The following BACE2 variants were observed in gnomAD, a reference collection of about 807,000 sequenced individuals.
The protein encoded by BACE2 is 56 kDa aspartic-like protease.
BACE2 carries 17 observed loss-of-function variants against 46.2 expected under a neutral mutation model. The ratio of observed to expected loss-of-function variants is 0.37; its 90% CI spans 0.25 to 0.55. BACE2 has a LOEUF of 0.55. Ranked by LOEUF, BACE2 falls within the 20% of genes least tolerant of loss-of-function variation. The pLI is 0.82. For missense variants in BACE2, 595 were observed against 698.1 expected, an observed-to-expected ratio of 0.85 and a Z score of 1.66; for synonymous variants, 277 against 295.9, an observed-to-expected ratio of 0.94 and a Z score of 0.66.
intron 1 of BACE2, among the ~76,000 whole-genome samples, chr21:41,196,323 A>G (rs2123520801): frequency 6.6e-6 from 1 of 152,024 alleles, no homozygotes; most frequent in South Asian, 2.1e-4. Flanking sequence ...ACCAAAAAAA[A>G]AAAAAGAGAG....
intron 2 of BACE2, among the ~76,000 whole-genome samples, chr21:41,226,684 T>C (rs368690116): frequency 6.6e-6 from 1 of 152,222 alleles, no homozygotes; most frequent in Non-Finnish European, 1.5e-5. Flanking sequence ...GCTTTAGTTC[T>C]GCAGTGGAGG....
intron 7 of BACE2, among the ~76,000 whole-genome samples, chr21:41,254,989 C>T (rs1203862498): frequency 6.6e-6 from 1 of 152,254 alleles, no homozygotes; most frequent in African/African-American, 2.4e-5. Flanking sequence ...CTGAGTTGGG[C>T]GAGGGAGTGA....
intron 8 of BACE2, among the ~76,000 whole-genome samples, chr21:41,258,510 G>A (rs1371973143): frequency 6.6e-6 from 1 of 152,210 alleles, no homozygotes; most frequent in Non-Finnish European, 1.5e-5. Flanking sequence ...TTCCAGGAGG[G>A]AGAGATTTCA....
At chr21:41,251,278 G>T (rs1398825705) in intron 7 of BACE2, among the ~76,000 whole-genome samples, 1 of 152,184 alleles carries the variant, frequency 6.6e-6, no homozygotes, top group Non-Finnish European at 1.5e-5. Context: ...CCACACAGGG[G>T]CTCCTGAAGT....
intron 1 of BACE2, chr21:41,184,304 G>A (rs896829949): frequency 4.2e-5 from 7 of 166,982 alleles, no homozygotes; most frequent in African/African-American, 1.7e-4. Flanking sequence ...TGTCATAATT[G>A]ACTGGCTTAA....
intron 6 of BACE2, among the ~76,000 whole-genome samples, chr21:41,246,523 T>G (rs906696245): frequency 6.6e-6 from 1 of 152,222 alleles, no homozygotes; most frequent in Non-Finnish European, 1.5e-5. Flanking sequence ...AAAATTTTAC[T>G]CCTTTTTGGC....
At chr21:41,204,398 G>A (rs986788778) in intron 1 of BACE2, among the ~76,000 whole-genome samples, 6 of 152,084 alleles carry the variant, frequency 3.9e-5, no homozygotes, top group East Asian at 1.9e-4. Flanking sequence ...TATAATAAGC[G>A]GGAGTGATCC....
chr21:41,258,725 C>G (rs1987853614), intron 8 of BACE2, among the ~76,000 whole-genome samples: 1 of 152,186 alleles, frequency 6.6e-6, no homozygotes, highest in South Asian at 2.1e-4. Flanking sequence ...AATCATCCAA[C>G]CCAGTGTATG....
chr21:41,181,425 T>A (rs754771195), intron 1 of BACE2: 2 of 167,100 alleles, frequency 1.2e-5, no homozygotes, highest in Admixed American at 1.3e-4. Flanking sequence ...CCTTCCCAGA[T>A]CAGGCAGTTG....
intron 1 of BACE2, chr21:41,225,520 A>T (rs1986789772): frequency 6.6e-6 from 1 of 152,176 alleles, no homozygotes; most frequent in South Asian, 2.1e-4. Context: ...AAACACACAG[A>T]AGCCTACATC....
intron 1 of BACE2, chr21:41,177,154 G>A (rs915650073): frequency 6.6e-6 from 1 of 152,210 alleles, no homozygotes; most frequent in Non-Finnish European, 1.5e-5. Context: ...TTGCCCTCTG[G>A]AGTAATCCTG....
intron 1 of BACE2, among the ~76,000 whole-genome samples, chr21:41,196,578 G>A (rs533645938): frequency 6.6e-6 from 1 of 152,236 alleles, no homozygotes; most frequent in African/African-American, 2.4e-5. Context: ...GAGAAAAGAG[G>A]ATAGATGTGT....
chr21:41,173,816 A>G (rs529841178), intron 1 of BACE2, among the ~76,000 whole-genome samples: 4 of 152,350 alleles, frequency 2.6e-5, no homozygotes, highest in African/African-American at 9.6e-5. Flanking sequence ...AATGTATAAT[A>G]TGAGAGAAAT....
At chr21:41,220,226 G>T (rs562559798) in intron 1 of BACE2, among the ~76,000 whole-genome samples, 7 of 152,160 alleles carry the variant, frequency 4.6e-5, no homozygotes, top group Non-Finnish European at 1.0e-4. Flanking sequence ...CCCTGTACAC[G>T]CCACCCTCCG....
At chr21:41,190,324 C>T (rs1377654517) in intron 1 of BACE2, among the ~76,000 whole-genome samples, 1 of 152,190 alleles carries the variant, frequency 6.6e-6, no homozygotes, top group Non-Finnish European at 1.5e-5. Flanking sequence ...CTGAAACACA[C>T]CAGTCTCCAA....
At chr21:41,217,213 G>A (rs1330872856) in intron 1 of BACE2, among the ~76,000 whole-genome samples, 3 of 152,228 alleles carry the variant, frequency 2.0e-5, no homozygotes, top group African/African-American at 4.8e-5. Context: ...ACAGGCGTGA[G>A]CCACTGCGCC....
At chr21:41,254,813 C>G in intron 7 of BACE2, among the ~76,000 whole-genome samples, 1 of 152,348 alleles carries the variant, frequency 6.6e-6, no homozygotes, top group Middle Eastern at 3.4e-3. Context: ...GCTGTCTTCT[C>G]TCTGATGTTG....
rs528122513 is a variant in BACE2, at chr21:41,193,856, G to T, written c.312+25281G>T. On this transcript the variant is annotated intron_variant, in intron 1 of 8. Transcript: ENST00000330333. The surrounding 1 kb of genome is among the most constrained non-coding windows in gnomAD (Gnocchi z 4.2). ...ACATTTTGGGTCCTCTGGAATTAAC[G>T]TCAGCTCAGAGCCAGTGTCCAGTAG... Among the ~76,000 whole-genome samples, 1 of 152,272 alleles carries T rather than the reference G, an allele frequency of 6.6e-6. No individual in the cohort carries two copies. The highest frequency in any genetic ancestry group is 2.1e-4 in the South Asian group (1 of 4,822).
chr21:41,237,475 T>A, intron 2 of BACE2, 38 bp from the exon 3 acceptor site: 1 of 1,344,656 alleles, frequency 7.4e-7, no homozygotes, highest in South Asian at 1.6e-5. Context: ...TAAAATAAAA[T>A]AAAATGAATA....
Sources: allele counts gnomAD v4.1 joint callset (sites outside exome capture counted in the v4.1 genomes callset), GRCh38; gene constraint gnomAD v4.1.1; non-coding constraint Gnocchi (gnomAD v3.1); transcripts MANE v1.5; gene names NCBI Gene and HGNC (gene_info 2026-07-23, HGNC 2026-07-21).